PATL1: variants seen among roughly 807,000 people sequenced by gnomAD.
PATL1 encodes the protein protein PAT1 homolog 1.
Under a neutral mutation model 100.6 loss-of-function variants are expected in PATL1, and 32 were observed. The observed-to-expected ratio is 0.32, with a 90% CI of 0.24 to 0.43. PATL1 has a LOEUF of 0.43. Ranked by LOEUF, PATL1 falls within the 20% of genes least tolerant of loss-of-function variation. The pLI is 1.00. For missense variants in PATL1, 747 were observed against 949.9 expected (o/e 0.79, Z 2.81); for synonymous variants, 332 against 330.0 (o/e 1.01, Z -0.07).
Position 59,668,911 on chromosome 11 carries a change from CAGGGAGCGGGGAGGGGAGAGGGGG to C in PATL1, c.-40_-17del. ...AGCGGAACATTCTTGGGGAGGGGGG[CAGGGAGCGGGGAGGGGAGAGGGGG>C]AGGGAGGGAAGAAGCGCTGACTCCC... On this transcript the variant is annotated 5_prime_UTR_variant, in exon 1 of 19. Coordinates refer to ENST00000300146, the MANE Select transcript of PATL1 (RefSeq NM_152716.3). The C allele has an allele frequency of 1.6e-6, 1 of 632,740 alleles. No individual in the cohort carries two copies. Among genetic ancestry groups the C allele is most frequent in the Non-Finnish European group, 2.4e-6 (1 of 416,632 alleles). The allele number at this position is 632,740 out of a possible 1,614,324, so 39.2% of individuals were successfully genotyped here. A position where few individuals can be genotyped will look rare whatever the true frequency, so the allele number is the denominator to read the frequency against.
chr11:59,655,737 G>C lies in PATL1; in HGVS notation c.817C>G (p.Gln273Glu). 1.3e-6 allele frequency: 2 copies of C among 1,587,058 alleles called. No homozygotes were observed. The highest frequency in any genetic ancestry group is 1.7e-6 in the Non-Finnish European group (2 of 1,166,386). The change falls in exon 8 of 19, where the codon CAG becomes GAG. Residue 273 changes from glutamine to glutamate, a missense_variant. By Grantham distance (29) the Gln-to-Glu change is conservative. Around this residue, in one of 4 missense-constraint regions of PATL1, gnomAD observed 127 missense variants for 116.0 expected, o/e 1.09. Coordinates refer to ENST00000300146, the MANE Select transcript of PATL1 (RefSeq NM_152716.3). Reference protein sequence around the residue: ...RAQLLGGAQLQPGRMSPSQFA... With the variant: ...RAQLLGGAQLEPGRMSPSQFA... Reference sequence around the variant, plus strand: ...TGGCTGGGAGACATCCGTCCAGGCTGTAGCTACAAAGAGGAAGAAGATCTT... The same window carrying C: ...TGGCTGGGAGACATCCGTCCAGGCTCTAGCTACAAAGAGGAAGAAGATCTT...
chr11:59,642,909 G>A lies in PATL1; in HGVS notation c.2020C>T (p.Pro674Ser). Reference protein sequence around the residue: ...QSAATPALSNPHLTAVLQNKF... With the variant: ...QSAATPALSNSHLTAVLQNKF... Reference sequence around the variant, plus strand: ...TTCTGGAGCACAGCAGTGAGGTGAGGATTGGAGAGTGCTGGTGTAGCTGCA... The same window carrying A: ...TTCTGGAGCACAGCAGTGAGGTGAGAATTGGAGAGTGCTGGTGTAGCTGCA... Residue 674 changes from proline (P) to serine (S), a missense_variant, in exon 16 of 19, where the codon CCT becomes TCT. Physicochemically the swap from Pro to Ser is moderately conservative, Grantham distance 74 (BLOSUM62 -1). Around this residue, in one of 4 missense-constraint regions of PATL1, gnomAD observed 434 missense variants for 596.1 expected, o/e 0.73. Coordinates refer to ENST00000300146, the MANE Select transcript of PATL1 (RefSeq NM_152716.3). 6.2e-7 allele frequency: 1 copy of A among 1,613,936 alleles called. No individual in the cohort carries two copies. The highest frequency in any genetic ancestry group is 8.5e-7 in the Non-Finnish European group (1 of 1,179,848).
At chr11:59,638,761 A>G (rs552420469) in intron 18 of PATL1, among the ~76,000 whole-genome samples, 2 of 151,928 alleles carry the variant, frequency 1.3e-5, no homozygotes, top group Non-Finnish European at 2.9e-5. Flanking sequence ...GCTCACTGCA[A>G]TCTCTGTCTC....
chr11:59,651,447 AAAC>A, intron 12 of PATL1, 94 bp downstream of exon 12: 1 of 966,352 alleles, frequency 1.0e-6, no homozygotes, highest in Non-Finnish European at 1.6e-6. Context: ...GTTAGACTAC[AAAC>A]AACTCTACCA....
At chr11:59,665,677 T>C (rs1410187451) in intron 2 of PATL1, among the ~76,000 whole-genome samples, 1 of 152,032 alleles carries the variant, frequency 6.6e-6, no homozygotes, top group African/African-American at 2.4e-5. Flanking sequence ...TCTCAGCTAC[T>C]TGGGAGGCTG....
intron 2 of PATL1, among the ~76,000 whole-genome samples, chr11:59,660,133 T>C (rs1861608064): frequency 6.6e-6 from 1 of 152,332 alleles, no homozygotes; most frequent in East Asian, 1.9e-4. Context: ...GCAAAAACTT[T>C]AAAGGGAAGT....
chr11:59,646,263 T>C (rs1861363849), intron 15 of PATL1, among the ~76,000 whole-genome samples: 1 of 151,142 alleles, frequency 6.6e-6, no homozygotes, highest in Non-Finnish European at 1.5e-5. Context: ...CCCTAACTCA[T>C]TTTTCATTTG....
Position 59,649,480 on chromosome 11 carries a change from T to A in PATL1, c.1715A>T (p.Lys572Ile). 1.2e-6 allele frequency: 2 copies of A among 1,613,894 alleles called. No individual in the cohort carries two copies. Among genetic ancestry groups the A allele is most frequent in the Non-Finnish European group, 1.7e-6 (2 of 1,179,862 alleles). Residue 572 changes from lysine to isoleucine, a missense_variant, in exon 14 of 19, where the codon AAA becomes ATA. Around this residue, in one of 4 missense-constraint regions of PATL1, gnomAD observed 434 missense variants for 596.1 expected, o/e 0.73. Coordinates refer to ENST00000300146, the MANE Select transcript of PATL1 (RefSeq NM_152716.3). Reference sequence around the variant, plus strand: ...TGCTTACCTCTCTTGTCCAGGCAATTTCCCCCTTAAGTTGTCATACATGCT... The same window carrying A: ...TGCTTACCTCTCTTGTCCAGGCAATATCCCCCTTAAGTTGTCATACATGCT... The part of the protein sequence containing the change: ...ICSMYDNLRG[K>I]LPGQERPSDD...
At chr11:59,641,791 AAAT>A (rs1426468746) in intron 16 of PATL1, among the ~76,000 whole-genome samples, 1 of 152,140 alleles carries the variant, frequency 6.6e-6, no homozygotes, top group Non-Finnish European at 1.5e-5. Flanking sequence ...CTCAGAAAAA[AAAT>A]ACTACTGCCT....
chr11:59,653,270 T>C (rs2134750297), intron 9 of PATL1, among the ~76,000 whole-genome samples: 1 of 152,312 alleles, frequency 6.6e-6, no homozygotes, highest in South Asian at 2.1e-4. Flanking sequence ...TGGACTTTTG[T>C]ATAAGCTCTA....
Position 59,639,109 on chromosome 11 carries a change from C to T in PATL1, c.2230G>A (p.Val744Met), listed in dbSNP as rs1297933588. 2 of 1,613,962 alleles carry T rather than the reference C, an allele frequency of 1.2e-6. No homozygotes were observed. The highest frequency in any genetic ancestry group is 1.1e-5 in the South Asian group (1 of 91,080). ...AKPISIPTNL[V>M]SLFSRYVDRQ... is the part of the protein sequence containing the mutation. ...TCAACATAGCGAGAAAAGAGGGACA[C>T]TAGGTTTGTAGGTATAGAGATTGGC... The change falls in exon 18 of 19, where the codon GTG (valine) becomes ATG (methionine). Residue 744 changes from valine (V) to methionine (M), a missense_variant. By Grantham distance (21) the Val-to-Met change is conservative. Transcript: ENST00000300146.
chr11:59,640,490 C>CAGTACTGCTT, intron 16 of PATL1, among the ~76,000 whole-genome samples: 1 of 151,702 alleles, frequency 6.6e-6, no homozygotes, highest in African/African-American at 2.4e-5. Flanking sequence ...GAGGCCAAGG[C>CAGTACTGCTT]GGGTGGATCA....
At position 59,666,899 on chromosome 11, in the gene PATL1, T is replaced by C; in HGVS notation, c.81A>G (p.Glu27=). ...TATCATCATTGAATTGATCAATCTC[T>C]TCATCTTCTTCTCCCAGTCCCTGAA... ...DAFQGLGEED[E]EIDQFNDDTF... is the part of the protein sequence containing the mutation. The change falls in exon 2 of 19, where the codon GAA becomes GAG. Residue 27 remains glutamate (E), a synonymous_variant. Coordinates refer to ENST00000300146, the MANE Select transcript of PATL1 (RefSeq NM_152716.3). 6.4e-7 allele frequency: 1 copy of C among 1,551,138 alleles called. No individual in the cohort carries two copies.
intron 14 of PATL1, among the ~76,000 whole-genome samples, chr11:59,648,924 G>C (rs1861401661): frequency 6.6e-6 from 1 of 152,166 alleles, no homozygotes; most frequent in Admixed American, 6.5e-5. Context: ...TAGTTCTCTT[G>C]AATACATCGA....
intron 15 of PATL1, among the ~76,000 whole-genome samples, chr11:59,643,669 G>A (rs1861318101): frequency 6.6e-6 from 1 of 152,086 alleles, no homozygotes; most frequent in African/African-American, 2.4e-5. Context: ...TCCGGCTTGG[G>A]TGACAGGGTG....
chr11:59,647,478 G>A (rs1009417161), intron 15 of PATL1, among the ~76,000 whole-genome samples: 4 of 152,154 alleles, frequency 2.6e-5, no homozygotes, highest in African/African-American at 9.7e-5. Flanking sequence ...AATTATCTAC[G>A]CAAGTAATTC....
At position 59,666,976 on chromosome 11, in the gene PATL1, G is replaced by C. The variant is rs532420347; in HGVS notation, c.16-12C>G. The C allele has an allele frequency of 5.2e-6, 8 of 1,532,982 alleles. No homozygotes were observed. The highest frequency in any genetic ancestry group is 7.0e-6 in the Non-Finnish European group (8 of 1,141,924). The allele number at this position is 1,532,982 out of a possible 1,614,324, so 95.0% of individuals were successfully genotyped here. A position where few individuals can be genotyped will look rare whatever the true frequency, so the allele number is the denominator to read the frequency against. On this transcript the variant is annotated splice_polypyrimidine_tract_variant and intron_variant, in intron 1 of 18. Transcript: ENST00000300146. The stretch of plus-strand genomic sequence containing the variant: ...CAATCCTCCAAAGACTAAAAAAAAA[G>C]AAAAGACATTAGTTATTCATGAAAT...
intron 13 of PATL1, among the ~76,000 whole-genome samples, chr11:59,650,127 G>GAAAAA (rs755879524): frequency 2.3e-4 from 14 of 61,620 alleles, no homozygotes; most frequent in Non-Finnish European, 2.8e-4. Context: ...ATCTCAAAAG[G>GAAAAA]AAAAAAAAAA....
chr11:59,655,955 C>A lies in PATL1; in HGVS notation c.813+1G>T. Reference sequence around the variant, plus strand: ...ATGGGTAGGGCTAATCACAGGCTTACCTGTGCTCCTCCAAGAAGCTGTGCT... The same window carrying A: ...ATGGGTAGGGCTAATCACAGGCTTAACTGTGCTCCTCCAAGAAGCTGTGCT... On this transcript the variant is annotated splice_donor_variant, in intron 7 of 18. Coordinates refer to ENST00000300146, the MANE Select transcript of PATL1 (RefSeq NM_152716.3). LOFTEE classifies it high-confidence loss of function. The A allele has an allele frequency of 1.3e-6, 2 of 1,583,440 alleles. No individual in the cohort carries two copies. The highest frequency in any genetic ancestry group is 1.7e-6 in the Non-Finnish European group (2 of 1,162,580).
Sources: gnomAD v4.1 joint callset for allele counts (sites outside exome capture counted in the v4.1 genomes callset) on GRCh38, gnomAD v4.1.1 for gene constraint, gnomAD v4.1.1 regional missense constraint, MANE v1.5 for transcripts, NCBI Gene and HGNC (gene_info 2026-07-23, HGNC 2026-07-21) for gene names.